NNMT: variants seen among roughly 807,000 people sequenced by gnomAD.
The protein encoded by NNMT is nicotinamide N-methyltransferase.
In NNMT, 10 loss-of-function variants were observed where a neutral mutation model predicts 11.7. The observed-to-expected ratio is 0.85, with a 90% confidence interval of 0.53 to 1.45. NNMT has a LOEUF of 1.45. Ranked by LOEUF, NNMT falls within the 40% of genes most tolerant of loss-of-function variation. The pLI is 0.00. For missense variants in NNMT, 381 were observed against 319.4 expected (o/e 1.19, Z -1.47); for synonymous variants, 143 against 133.8 (o/e 1.07, Z -0.48).
rs879528594 is a variant in NNMT at position 114,301,420 on chromosome 11, A to G, written c.362+3262A>G. Among the ~76,000 whole-genome samples the G allele has an allele frequency of 1.2e-4, 19 of 152,224 alleles. 1 individual carries two copies. Among genetic ancestry groups the G allele is most frequent in the Non-Finnish European group, 2.5e-4 (17 of 68,034 alleles). On this transcript the variant is annotated intron_variant, in intron 2 of 2. Transcript: ENST00000299964. ...AAATAAACTGTGGTACATTTAGACA[A>G]TGGAATAATATCCAGTGCTAAAAAG... is the stretch of plus-strand genomic sequence containing the variant.
intron 2 of NNMT, among the ~76,000 whole-genome samples, chr11:114,263,139 C>A (rs544640132): frequency 6.6e-6 from 1 of 152,262 alleles, no homozygotes; most frequent in Non-Finnish European, 1.5e-5. Context: ...CAGCTGACAC[C>A]AGCTGAATGC....
chr11:114,279,457 T>A (rs1945242258), intron 2 of NNMT, among the ~76,000 whole-genome samples: 1 of 152,124 alleles, frequency 6.6e-6, no homozygotes, highest in South Asian at 2.1e-4. Flanking sequence ...GGAAAGGCAT[T>A]CCTGCTAGAG....
At chr11:114,268,410 C>T (rs1161387734) in intron 2 of NNMT, among the ~76,000 whole-genome samples, 2 of 152,134 alleles carry the variant, frequency 1.3e-5, no homozygotes, top group African/African-American at 4.8e-5. Context: ...GAGGGTCAGC[C>T]TCCATACATG....
chr11:114,294,133 G>A (rs1410977841), upstream of NNMT, among the ~76,000 whole-genome samples: 1 of 152,080 alleles, frequency 6.6e-6, no homozygotes, highest in Admixed American at 6.6e-5. Flanking sequence ...GTTACGAGAG[G>A]ATGGGAAGGG....
At chr11:114,294,698 C>T (rs1405682011), upstream of NNMT, among the ~76,000 whole-genome samples, 1 of 151,290 alleles carries the variant, frequency 6.6e-6, no homozygotes, top group Non-Finnish European at 1.5e-5. Flanking sequence ...CAGAATATCT[C>T]ATGTAACCCA....
At chr11:114,287,858 C>G (rs916567938) in intron 2 of NNMT, among the ~76,000 whole-genome samples, 5 of 152,092 alleles carry the variant, frequency 3.3e-5, no homozygotes, top group Non-Finnish European at 7.4e-5. Flanking sequence ...TGGAGTCCCC[C>G]CATCCATGAA....
intron 2 of NNMT, among the ~76,000 whole-genome samples, chr11:114,272,605 G>C (rs1380294203): frequency 6.6e-6 from 1 of 152,204 alleles, no homozygotes; most frequent in Non-Finnish European, 1.5e-5. Flanking sequence ...TCTAAGAGTT[G>C]TATCTTTGAT....
At chr11:114,284,447 TTTTG>T (rs1422512428) in intron 2 of NNMT, among the ~76,000 whole-genome samples, 2 of 152,152 alleles carry the variant, frequency 1.3e-5, no homozygotes, top group African/African-American at 2.4e-5. Flanking sequence ...ACATGGTTTT[TTTTG>T]TTTGTTTGTT....
chr11:114,299,302 GC>G (rs1388777895), intron 2 of NNMT, among the ~76,000 whole-genome samples: 1 of 152,018 alleles, frequency 6.6e-6, no homozygotes, highest in African/African-American at 2.4e-5. Context: ...TGCATTCCTA[GC>G]TTTTTTGAAA....
intron 2 of NNMT, among the ~76,000 whole-genome samples, chr11:114,283,168 G>A (rs2135258904): frequency 6.6e-6 from 1 of 152,226 alleles, no homozygotes; most frequent in African/African-American, 2.4e-5. Flanking sequence ...TTCTACTACT[G>A]GGAATGCCCC....
chr11:114,306,738 T>G (rs931430334), intron 2 of NNMT, among the ~76,000 whole-genome samples: 1 of 152,174 alleles, frequency 6.6e-6, no homozygotes, highest in African/African-American at 2.4e-5. Context: ...ACCATGCTGT[T>G]TTGGTTACTG....
intron 2 of NNMT, among the ~76,000 whole-genome samples, chr11:114,290,380 A>G (rs1032195400): frequency 1.3e-5 from 2 of 152,042 alleles, no homozygotes; most frequent in African/African-American, 4.8e-5. Context: ...GTATTTTGTC[A>G]TTCTAGTTCT....
At chr11:114,265,415 T>G (rs1325064590) in intron 2 of NNMT, among the ~76,000 whole-genome samples, 1 of 152,204 alleles carries the variant, frequency 6.6e-6, no homozygotes, top group Non-Finnish European at 1.5e-5. Flanking sequence ...ATCATCTTCT[T>G]CTGCTGGAGC....
At chr11:114,304,220 A>G (rs1182881963) in intron 2 of NNMT, among the ~76,000 whole-genome samples, 1 of 152,200 alleles carries the variant, frequency 6.6e-6, no homozygotes, top group Non-Finnish European at 1.5e-5. Context: ...TAGACAACAC[A>G]CCTTGCCAAA....
chr11:114,278,612 A>ATGTGTGTGTG (rs3057704), intron 2 of NNMT, among the ~76,000 whole-genome samples: 1 of 147,026 alleles, frequency 6.8e-6, no homozygotes, highest in Admixed American at 6.8e-5. Context: ...CCTAATACTC[A>ATGTGTGTGTG]TGTGTGTGTG....
chr11:114,300,296 T>G (rs1945426046), intron 2 of NNMT, among the ~76,000 whole-genome samples: 1 of 152,186 alleles, frequency 6.6e-6, no homozygotes, highest in South Asian at 2.1e-4. Context: ...CTCATTTCCT[T>G]TGTAATTTCT....
rs564950438 is a variant in NNMT, at chr11:114,306,398, G to A, written c.363-5647G>A. On this transcript the variant is annotated intron_variant, in intron 2 of 2. Transcript: ENST00000299964. The stretch of plus-strand genomic sequence containing the variant: ...TTGGCTTTTGTTGCTATTGCTTTTG[G>A]TGTTTTAGACATGAAGTCCTTGCCC... Among the ~76,000 whole-genome samples, 11 of 152,206 alleles carry A rather than the reference G, an allele frequency of 7.2e-5. No homozygotes were observed. In the South Asian group the frequency reaches 1.9e-3, roughly 26 times the overall value.
chr11:114,304,115 C>A (rs1945467679), intron 2 of NNMT, among the ~76,000 whole-genome samples: 1 of 152,024 alleles, frequency 6.6e-6, no homozygotes, highest in Non-Finnish European at 1.5e-5. Flanking sequence ...ACAATTTGGA[C>A]AATATCTAAA....
At chr11:114,276,287 A>T (rs1278156705) in intron 2 of NNMT, among the ~76,000 whole-genome samples, 1 of 152,054 alleles carries the variant, frequency 6.6e-6, no homozygotes, top group Non-Finnish European at 1.5e-5. Context: ...TGCAGGAGAC[A>T]GGCTTGGATT....
Sources: allele counts gnomAD v4.1 joint callset (sites outside exome capture counted in the v4.1 genomes callset), GRCh38; gene constraint gnomAD v4.1.1; transcripts MANE v1.5; gene names NCBI Gene and HGNC (gene_info 2026-07-23, HGNC 2026-07-21).